The following ZNF555 variants were observed in gnomAD, a reference collection of about 807,000 sequenced individuals.
The protein encoded by ZNF555 is zinc finger protein 555.
A neutral mutation model predicts 14.0 loss-of-function variants in ZNF555; 10 were observed. The ratio of observed to expected loss-of-function variants is 0.72; its 90% confidence interval spans 0.44 to 1.21. ZNF555 has a LOEUF of 1.21. Ranked by LOEUF, ZNF555 falls within the 50% of genes most tolerant of loss-of-function variation. The pLI, the probability that ZNF555 is intolerant of heterozygous loss-of-function variation, is 0.00. For missense variants in ZNF555, 747 were observed against 762.0 expected (o/e 0.98, Z 0.23); for synonymous variants, 277 against 262.4 (o/e 1.06, Z -0.54).
chr19:2,853,600 A>C lies in ZNF555; in HGVS notation c.1535A>C (p.Gln512Pro), dbSNP rs746547917. The change falls in exon 4 of 4, where the codon CAG becomes CCG. Residue 512 changes from glutamine to proline, a missense_variant. By Grantham distance (76) the Gln-to-Pro change is moderately conservative (BLOSUM62 -1). Transcript: ENST00000334241. The part of the protein sequence containing the change: ...HTAEKLYKCK[Q>P]CGKAFSWPEL... ...GCAGAGAAACTCTATAAATGCAAGC[A>C]GTGTGGGAAAGCTTTCAGTTGGCCT... 3 of 1,608,992 alleles carry C rather than the reference A, an allele frequency of 1.9e-6. No individual in the cohort carries two copies. The South Asian group carries it at 3.3e-5, about 18-fold the overall frequency.
In ZNF555 at chr19:2,852,565, C is replaced by T; in HGVS notation, c.500C>T (p.Thr167Ile). 1.2e-6 allele frequency: 2 copies of T among 1,614,136 alleles called. No homozygotes were observed. The highest frequency in any genetic ancestry group is 1.3e-5 in the African/African-American group (1 of 75,056). The change falls in exon 4 of 4, where the codon ACT becomes ATT. Residue 167 changes from threonine to isoleucine, a missense_variant. Thr to Ile is a moderately conservative substitution (Grantham distance 89). Transcript: ENST00000334241. ...CTCAAGAGTCCCATCACAGTTCACA[C>T]TGGACACAAACCATATCAGTGCCAG... ...TSLKSPITVH[T>I]GHKPYQCQEC... is the part of the protein sequence containing the mutation.
chr19:2,842,194 A>G (rs2087543308), intron 1 of ZNF555, among the ~76,000 whole-genome samples: 1 of 152,064 alleles, frequency 6.6e-6, no homozygotes, highest in Non-Finnish European at 1.5e-5. Context: ...CCCACCTGCA[A>G]AGGCAGCCCC....
chr19:2,846,099 C>T (rs1025202300), intron 1 of ZNF555, among the ~76,000 whole-genome samples: 1 of 152,170 alleles, frequency 6.6e-6, no homozygotes, highest in Admixed American at 6.5e-5. Context: ...CAGTGTAGAC[C>T]GAATAATTCA....
rs752933639 is a variant in ZNF555, at chr19:2,853,854, G to C, written c.1789G>C (p.Gly597Arg). ...TTEKQYKCNV[G>R]HPPANEFMCS... ...AGAAAAACAGTATAAGTGTAATGTAGGACATCCTCCTGCAAATGAATTCAT... is the reference window on the plus strand; with the variant it reads ...AGAAAAACAGTATAAGTGTAATGTACGACATCCTCCTGCAAATGAATTCAT... The change falls in exon 4 of 4, where the codon GGA becomes CGA. Residue 597 changes from glycine (G) to arginine (R), a missense_variant. Gly to Arg is a moderately radical substitution (Grantham distance 125, BLOSUM62 -2). Coordinates refer to ENST00000334241, the MANE Select transcript of ZNF555 (RefSeq NM_152791.5). 2 of 1,613,854 alleles carry C rather than the reference G, an allele frequency of 1.2e-6. No homozygotes were observed. The highest frequency in any genetic ancestry group is 1.7e-6 in the Non-Finnish European group (2 of 1,179,984).
Position 2,853,877 on chromosome 19 carries a change from C to A in ZNF555, c.1812C>A (p.Phe604Leu), listed in dbSNP as rs1326741519. 6.2e-7 allele frequency: 1 copy of A among 1,613,900 alleles called. No homozygotes were observed. Among genetic ancestry groups the A allele is most frequent in the Non-Finnish European group, 8.5e-7 (1 of 1,180,022 alleles). The change falls in exon 4 of 4, where the codon TTC becomes TTA. Residue 604 changes from phenylalanine (F) to leucine (L), a missense_variant. Transcript: ENST00000334241. ...CNVGHPPANE[F>L]MCSASEKSHQ... The stretch of plus-strand genomic sequence containing the variant: ...TAGGACATCCTCCTGCAAATGAATT[C>A]ATGTGCAGTGCTTCAGAAAAGTCAC...
At chr19:2,849,942 T>G (rs969861453) in intron 1 of ZNF555, among the ~76,000 whole-genome samples, 1 of 152,184 alleles carries the variant, frequency 6.6e-6, no homozygotes, top group Non-Finnish European at 1.5e-5. Flanking sequence ...CTTCCGTCAC[T>G]GAGGCTCGAA....
rs1480688963 is a variant in ZNF555 at position 2,856,605 on chromosome 19, CAAAG to C, written c.*2657_*2660del. The C allele has an allele frequency of 1.3e-5, 2 of 152,160 alleles. No homozygotes were observed. The highest frequency in any genetic ancestry group is 2.1e-4 in the South Asian group (1 of 4,826). The allele number at this position is 152,160 out of a possible 1,614,324, so 9.4% of individuals were successfully genotyped here. On this transcript the variant is annotated 3_prime_UTR_variant, in exon 4 of 4. Coordinates refer to ENST00000334241, the MANE Select transcript of ZNF555 (RefSeq NM_152791.5). ...AAACCACCAGGATCACACTGGTAGT[CAAAG>C]AAAATTTGCTGTGTTGAGTTGAAGT...
intron 1 of ZNF555, among the ~76,000 whole-genome samples, chr19:2,849,629 C>T (rs917493529): frequency 6.6e-6 from 1 of 151,240 alleles, no homozygotes; most frequent in Non-Finnish European, 1.5e-5. Context: ...GGACTACAGG[C>T]GTGCACCACC....
intron 1 of ZNF555, among the ~76,000 whole-genome samples, chr19:2,847,807 G>A (rs781064200): frequency 6.6e-6 from 1 of 152,106 alleles, no homozygotes; most frequent in Non-Finnish European, 1.5e-5. Flanking sequence ...ATATCTTTCT[G>A]GGGGACCACG....
At position 2,853,016 on chromosome 19, in the gene ZNF555, T is replaced by C. The variant is rs771714169; in HGVS notation, c.951T>C (p.Cys317=). 28 of 1,614,064 alleles carry C rather than the reference T, an allele frequency of 1.7e-5. No individual in the cohort carries two copies. Among genetic ancestry groups the C allele is most frequent in the Non-Finnish European group, 2.2e-5 (26 of 1,180,042 alleles). ...AGAAGCCACATAAATGTAAAGAATG[T>C]GGGGAGGCCTTCAGTTATTCTTCGG... ...TGEKPHKCKE[C]GEAFSYSSAF... The change falls in exon 4 of 4, where the codon TGT becomes TGC. Residue 317 remains cysteine, a synonymous_variant. Coordinates refer to ENST00000334241, the MANE Select transcript of ZNF555 (RefSeq NM_152791.5).
At position 2,857,835 on chromosome 19, in the gene ZNF555, C is replaced by T. The variant is rs1013217576; in HGVS notation, c.*3883C>T. ...CTACACTGGGCGACAGAGCAAGACC[C>T]TGTCTCAAAAAAAAAGGAATACAAA... On this transcript the variant is annotated 3_prime_UTR_variant, in exon 4 of 4. Coordinates refer to ENST00000334241, the MANE Select transcript of ZNF555 (RefSeq NM_152791.5). 1 of 151,562 alleles carries T rather than the reference C, an allele frequency of 6.6e-6. No individual in the cohort carries two copies. The highest frequency in any genetic ancestry group is 1.5e-5 in the Non-Finnish European group (1 of 67,946). The allele number at this position is 151,562 out of a possible 1,614,324, so 9.4% of individuals were successfully genotyped here. A position where few individuals can be genotyped will look rare whatever the true frequency, so the allele number is the denominator to read the frequency against.
intron 2 of ZNF555, 63 bp downstream of exon 2, chr19:2,850,776 C>T: frequency 1.3e-6 from 2 of 1,595,158 alleles, no homozygotes; most frequent in South Asian, 2.2e-5. Flanking sequence ...TCTTACACAT[C>T]AGACCTGTTC....
At position 2,841,669 on chromosome 19, in the gene ZNF555, G is replaced by A; in HGVS notation, c.3+94G>A. On this transcript the variant is annotated intron_variant, in intron 1 of 3. Transcript: ENST00000334241. ...TTGGGGGGAGCTGAGGGACGCGGGG[G>A]GCGGCCCCGGCGAGGGCGGCGCAGG... 5.9e-6 allele frequency: 8 copies of A among 1,356,456 alleles called. No individual in the cohort carries two copies. In the South Asian group the frequency reaches 1.0e-4, roughly 17 times the overall value. The allele number at this position is 1,356,456 out of a possible 1,614,324, so 84.0% of individuals were successfully genotyped here.
intron 1 of ZNF555, among the ~76,000 whole-genome samples, chr19:2,844,060 T>C (rs941565310): frequency 1.2e-4 from 18 of 151,826 alleles, no homozygotes; most frequent in Non-Finnish European, 1.8e-4. Flanking sequence ...CTTTTCTTTT[T>C]TTTCTTTCTC....
At position 2,851,636 on chromosome 19, in the gene ZNF555, AG is replaced by A; in HGVS notation, c.303del (p.Arg102GlufsTer39). 1 of 1,584,260 alleles carries A rather than the reference AG, an allele frequency of 6.3e-7. No individual in the cohort carries two copies. Among genetic ancestry groups the A allele is most frequent in the Non-Finnish European group, 8.6e-7 (1 of 1,169,250 alleles). ...AGCATCGAAGATCAAACCACAAACCAGGGGAGAAATCTCAGGTGAGTTGCAC... is the reference window on the plus strand; with the variant it reads ...AGCATCGAAGATCAAACCACAAACCAGGGAGAAATCTCAGGTGAGTTGCAC... Reference protein sequence around the residue: ...SLSIEDQTTNQGRNLSRNHGL... With the variant: ...SLSIEDQTTNXGRNLSRNHGL... On this transcript the variant is annotated frameshift_variant, in exon 3 of 4. Transcript: ENST00000334241. LOFTEE classifies it low-confidence loss of function (END_TRUNC).
chr19:2,848,691 G>A (rs1403118289), intron 1 of ZNF555, among the ~76,000 whole-genome samples: 3 of 151,588 alleles, frequency 2.0e-5, no homozygotes, highest in South Asian at 2.1e-4. Flanking sequence ...CAAGTGATCC[G>A]CCTGCCTCAG....
At chr19:2,841,676 C>T (rs2087537362) in intron 1 of ZNF555, 101 bp downstream of exon 1, 1 of 1,344,568 alleles carries the variant, frequency 7.4e-7, no homozygotes, top group East Asian at 3.1e-5. Context: ...GGGGGCGGCC[C>T]CGGCGAGGGC....
In ZNF555 at chr19:2,851,481, A is replaced by G; in HGVS notation, c.144A>G (p.Gln48=). 2 of 1,581,406 alleles carry G rather than the reference A, an allele frequency of 1.3e-6. No individual in the cohort carries two copies. Among genetic ancestry groups the G allele is most frequent in the Non-Finnish European group, 1.7e-6 (2 of 1,169,232 alleles). The part of the protein sequence containing the change: ...QNLASVDDET[Q]FKASGSVSQQ... Reference sequence around the variant, plus strand: ...TTTTGGTTTCAGATGATGAAACTCAATTTAAGGCCAGTGGGTCAGTTTCTC... The same window carrying G: ...TTTTGGTTTCAGATGATGAAACTCAGTTTAAGGCCAGTGGGTCAGTTTCTC... The change falls in exon 3 of 4, where the codon CAA becomes CAG. Residue 48 remains glutamine, a synonymous_variant. Coordinates refer to ENST00000334241, the MANE Select transcript of ZNF555 (RefSeq NM_152791.5).
rs1320913675 is a variant in ZNF555, at chr19:2,853,860, C to T, written c.1795C>T (p.Pro599Ser). 6.2e-7 allele frequency: 1 copy of T among 1,613,852 alleles called. No homozygotes were observed. The highest frequency in any genetic ancestry group is 8.5e-7 in the Non-Finnish European group (1 of 1,180,004). The change falls in exon 4 of 4, where the codon CCT becomes TCT. Residue 599 changes from proline (P) to serine (S), a missense_variant. By Grantham distance (74) the Pro-to-Ser change is moderately conservative (BLOSUM62 -1). Coordinates refer to ENST00000334241, the MANE Select transcript of ZNF555 (RefSeq NM_152791.5). ...ACAGTATAAGTGTAATGTAGGACAT[C>T]CTCCTGCAAATGAATTCATGTGCAG... ...EKQYKCNVGH[P>S]PANEFMCSAS...
Sources: allele counts gnomAD v4.1 joint callset (sites outside exome capture counted in the v4.1 genomes callset), GRCh38; gene constraint gnomAD v4.1.1; transcripts MANE v1.5; gene names NCBI Gene and HGNC (gene_info 2026-07-23, HGNC 2026-07-21).